ZNF670: variants seen among roughly 807,000 people sequenced by gnomAD.
The protein encoded by ZNF670 is zinc finger protein 670.
Under a neutral mutation model 10.9 loss-of-function variants are expected in ZNF670, and 7 were observed. The observed-to-expected ratio is 0.64, with a 90% CI of 0.36 to 1.20. ZNF670 has a LOEUF of 1.20. ZNF670 is among the 50% of genes most tolerant of loss of function. The pLI is 0.02. For missense variants in ZNF670, 446 were observed against 458.6 expected (o/e 0.97, Z 0.25); for synonymous variants, 136 against 152.7 (o/e 0.89, Z 0.81).
Position 247,035,721 on chromosome 1 carries a change from G to T in ZNF670, c.*1728C>A, listed in dbSNP as rs999628514. ...TATACAGATGATGCTATACTATATG[G>T]TATACTAGGGCACACCAATTTGACT... On this transcript the variant is annotated 3_prime_UTR_variant, in exon 4 of 4. Coordinates refer to ENST00000366503, the MANE Select transcript of ZNF670 (RefSeq NM_033213.5). 6.6e-6 allele frequency among the ~76,000 whole-genome samples: 1 copy of T among 152,080 alleles called. No homozygotes were observed. Among genetic ancestry groups the T allele is most frequent in the Non-Finnish European group, 1.5e-5 (1 of 68,012 alleles).
rs1400024556 is a variant in ZNF670, at chr1:247,035,525, C to G, written c.*1924G>C. 6.6e-6 allele frequency among the ~76,000 whole-genome samples: 1 copy of G among 152,120 alleles called. No homozygotes were observed. The highest frequency in any genetic ancestry group is 1.5e-5 in the Non-Finnish European group (1 of 68,028). On this transcript the variant is annotated 3_prime_UTR_variant, in exon 4 of 4. Coordinates refer to ENST00000366503, the MANE Select transcript of ZNF670 (RefSeq NM_033213.5). ...ATGTTAGGCTACAGACTGATAAGAT[C>G]AAAATAGTATGTTATAATGCCATAA... is the stretch of plus-strand genomic sequence containing the variant.
At chr1:247,072,509 G>A (rs1281671771) in intron 1 of ZNF670, among the ~76,000 whole-genome samples, 3 of 151,572 alleles carry the variant, frequency 2.0e-5, no homozygotes, top group South Asian at 4.2e-4. Context: ...CACAGGCCAG[G>A]CTCAGTGGCT....
In ZNF670 at chr1:247,072,920, C is replaced by T. The variant is rs1014537442; in HGVS notation, c.3+5674G>A. Among the ~76,000 whole-genome samples the T allele has an allele frequency of 4.1e-5, 6 of 147,916 alleles. No individual in the cohort carries two copies. In the South Asian group the frequency reaches 1.3e-3, roughly 32 times the overall value. ...GTGTACTAATAGTAACATTAAGCTA[C>T]TAAAAACTCAAGAGGTAAAACTATG... On this transcript the variant is annotated intron_variant, in intron 1 of 3. Coordinates refer to ENST00000366503, the MANE Select transcript of ZNF670 (RefSeq NM_033213.5).
chr1:247,037,459 T>C lies in ZNF670; in HGVS notation c.1160A>G (p.Tyr387Cys). The C allele has an allele frequency of 6.2e-7, 1 of 1,607,192 alleles. No homozygotes were observed. Among genetic ancestry groups the C allele is most frequent in the Non-Finnish European group, 8.5e-7 (1 of 1,177,634 alleles). Reference sequence around the variant, plus strand: ...TGTTGTTGTTGTTTTTTACCACATATAAGCTCTTTCATGCTTTCGAAGGGA... The same window carrying C: ...TGTTGTTGTTGTTTTTTACCACATACAAGCTCTTTCATGCTTTCGAAGGGA... The part of the protein sequence containing the change: ...SSSLRKHERA[Y>C]MW The change falls in exon 4 of 4, where the codon TAT becomes TGT. Residue 387 changes from tyrosine (Y) to cysteine (C), a missense_variant. Transcript: ENST00000366503.
At chr1:247,074,101 C>A (rs1671197908) in intron 1 of ZNF670, among the ~76,000 whole-genome samples, 1 of 152,156 alleles carries the variant, frequency 6.6e-6, no homozygotes, top group African/African-American at 2.4e-5. Context: ...AAAACAAACA[C>A]CTTCTCATTA....
intron 1 of ZNF670, among the ~76,000 whole-genome samples, chr1:247,056,117 A>C (rs959501502): frequency 1.7e-5 from 1 of 58,328 alleles, no homozygotes; most frequent in African/African-American, 6.8e-5. Context: ...TTACAGACCA[A>C]AAAAAAAAAA....
At chr1:247,040,148 C>G (rs1670270460) in intron 1 of ZNF670, among the ~76,000 whole-genome samples, 1 of 152,286 alleles carries the variant, frequency 6.6e-6, no homozygotes, top group Non-Finnish European at 1.5e-5. Context: ...CATTAAGTCT[C>G]TAATGAGCAT....
At chr1:247,065,441 C>T (rs1330821091) in intron 1 of ZNF670, among the ~76,000 whole-genome samples, 1 of 148,990 alleles carries the variant, frequency 6.7e-6, no homozygotes, top group Non-Finnish European at 1.5e-5. Flanking sequence ...TCCAAGTTTT[C>T]TTATGTGAAA....
At chr1:247,051,165 G>A (rs141495677) in intron 1 of ZNF670, among the ~76,000 whole-genome samples, 161 of 151,752 alleles carry the variant, frequency 1.1e-3, no homozygotes, top group African/African-American at 3.3e-3. Flanking sequence ...AAAATTAGCC[G>A]GGCGTGGTGG....
chr1:247,069,146 T>G (rs1671059950), intron 1 of ZNF670, among the ~76,000 whole-genome samples: 1 of 151,042 alleles, frequency 6.6e-6, no homozygotes. Context: ...CTACAGTCAA[T>G]GATAACTTAA....
chr1:247,066,466 G>A (rs899697420), intron 1 of ZNF670, among the ~76,000 whole-genome samples: 5 of 152,202 alleles, frequency 3.3e-5, no homozygotes, highest in African/African-American at 1.2e-4. Context: ...AGAGCCCAGA[G>A]GTTTGGTGCA....
intron 1 of ZNF670, among the ~76,000 whole-genome samples, chr1:247,050,802 T>A (rs1670574132): frequency 6.6e-6 from 1 of 152,138 alleles, no homozygotes; most frequent in Non-Finnish European, 1.5e-5. Flanking sequence ...TGCCATTTTG[T>A]ATCTTTTAAG....
intron 1 of ZNF670, among the ~76,000 whole-genome samples, chr1:247,053,507 G>T (rs1670644602): frequency 6.6e-6 from 1 of 152,116 alleles, no homozygotes; most frequent in African/African-American, 2.4e-5. Context: ...ATGGTGGCAG[G>T]CGCCTGTAGT....
At position 247,038,404 on chromosome 1, in the gene ZNF670, AACAGTCTCTCT is replaced by A; in HGVS notation, c.204_214del (p.Glu69Ter). 1 of 1,611,640 alleles carries A rather than the reference AACAGTCTCTCT, an allele frequency of 6.2e-7. No individual in the cohort carries two copies. Among genetic ancestry groups the A allele is most frequent in the Non-Finnish European group, 8.5e-7 (1 of 1,179,352 alleles). ...ATATTGACTGCCTTCTTTAATTTCAAACAGTCTCTCTACCACATGACTGCTGTAAAAATGAT... is the reference window on the plus strand; with the variant it reads ...ATATTGACTGCCTTCTTTAATTTCAAACCACATGACTGCTGTAAAAATGAT... On this transcript the variant is annotated frameshift_variant, in exon 4 of 4. Transcript: ENST00000366503. LOFTEE classifies it low-confidence loss of function (END_TRUNC).
intron 1 of ZNF670, among the ~76,000 whole-genome samples, chr1:247,050,857 T>A (rs1051763543): frequency 3.3e-5 from 5 of 152,244 alleles, no homozygotes; most frequent in Non-Finnish European, 7.3e-5. Context: ...CATTGAGATG[T>A]AAGGTACCCT....
rs1572553304 is a variant in ZNF670, at chr1:247,037,621, C to G, written c.998G>C (p.Gly333Ala). 1.9e-6 allele frequency: 3 copies of G among 1,614,066 alleles called. No homozygotes were observed. The African/African-American group carries it at 4.0e-5, about 22-fold the overall frequency. Residue 333 changes from glycine (G) to alanine (A), a missense_variant, in exon 4 of 4, where the codon GGA becomes GCA. Transcript: ENST00000366503. ...NLCEHERTHT[G>A]VKPYGCKECG... Reference sequence around the variant, plus strand: ...TTCCTTACATCCATAAGGTTTCACTCCAGTGTGAGTTCTTTCATGCTCACA... The same window carrying G: ...TTCCTTACATCCATAAGGTTTCACTGCAGTGTGAGTTCTTTCATGCTCACA...
At position 247,042,382 on chromosome 1, in the gene ZNF670, C is replaced by T. The variant is rs77771060; in HGVS notation, c.4-2845G>A. On this transcript the variant is annotated intron_variant, in intron 1 of 3. Transcript: ENST00000366503. ...CTAGTGGTACTAAGTGCGATGGTCA[C>T]GGGCAGAGATGTGTTTGGAAAGGGT... is the stretch of plus-strand genomic sequence containing the variant. Among the ~76,000 whole-genome samples the T allele has an allele frequency of 3.5e-4, 54 of 152,270 alleles. No individual in the cohort carries two copies. The East Asian group carries it at 6.2e-3, about 17-fold the overall frequency.
intron 1 of ZNF670, among the ~76,000 whole-genome samples, chr1:247,041,605 C>T (rs1279726096): frequency 1.3e-5 from 2 of 152,170 alleles, no homozygotes; most frequent in Non-Finnish European, 2.9e-5. Context: ...TTTGAACTTA[C>T]CACAATGTGT....
In ZNF670 at chr1:247,037,900, A is replaced by C; in HGVS notation, c.719T>G (p.Leu240Arg). 1 of 1,614,078 alleles carries C rather than the reference A, an allele frequency of 6.2e-7. No homozygotes were observed. Among genetic ancestry groups the C allele is most frequent in the Non-Finnish European group, 8.5e-7 (1 of 1,179,994 alleles). ...AGTATGAGATCTTTCATGTTGGCGA[A>C]GAGAACTGGAAAAAGTGAATGATTT... is the stretch of plus-strand genomic sequence containing the variant. ...CGKSFTFSSS[L>R]RQHERSHTGE... is the part of the protein sequence containing the mutation. The change falls in exon 4 of 4, where the codon CTT becomes CGT. Residue 240 changes from leucine to arginine, a missense_variant. Physicochemically the swap from Leu to Arg is moderately radical, Grantham distance 102. Coordinates refer to ENST00000366503, the MANE Select transcript of ZNF670 (RefSeq NM_033213.5).
Sources: allele counts gnomAD v4.1 joint callset (sites outside exome capture counted in the v4.1 genomes callset), GRCh38; gene constraint gnomAD v4.1.1; transcripts MANE v1.5; gene names NCBI Gene and HGNC (gene_info 2026-07-23, HGNC 2026-07-21).